TGM5: variants seen among roughly 807,000 people sequenced by gnomAD.
TGM5 encodes transglutaminase 5.
In TGM5, 69 loss-of-function variants were observed where a neutral mutation model predicts 77.2. The ratio of observed to expected loss-of-function variants is 0.89; its 90% confidence interval spans 0.74 to 1.09. The LOEUF is 1.09. Ranked by LOEUF, TGM5 falls within the 50% of genes least tolerant of loss-of-function variation. TGM5 has a pLI of 0.00. For synonymous variants in TGM5, 346 were observed against 351.8 expected, an observed-to-expected ratio of 0.98 and a Z score of 0.18; for missense variants, 842 against 896.5, an observed-to-expected ratio of 0.94 and a Z score of 0.78.
chr15:43,259,992 G>A, intron 3 of TGM5, 60 bp downstream of exon 3: 1 of 1,610,610 alleles, frequency 6.2e-7, no homozygotes, highest in Admixed American at 1.7e-5. Flanking sequence ...CCTTGAGCCT[G>A]TCTCTCTGGC....
chr15:43,256,429 C>T (rs561712535), intron 4 of TGM5, 139 bp downstream of exon 4: 23 of 776,234 alleles, frequency 3.0e-5, no homozygotes, highest in South Asian at 2.4e-4. Flanking sequence ...CCTCGGGCAA[C>T]CTGGGCTCAC....
chr15:43,246,963 G>A (rs2042673383), intron 6 of TGM5, among the ~76,000 whole-genome samples: 1 of 152,054 alleles, frequency 6.6e-6, no homozygotes, highest in African/African-American at 2.4e-5. Flanking sequence ...TTTGAGACCA[G>A]CCTGGCCAAC....
chr15:43,235,062 T>G (rs2042578034), intron 10 of TGM5, 133 bp from the exon 11 acceptor site: 1 of 1,148,620 alleles, frequency 8.7e-7, no homozygotes, highest in Non-Finnish European at 1.2e-6. Context: ...GGTGGCAGCT[T>G]TTTAGATGAG....
chr15:43,261,053 G>T, intron 1 of TGM5, among the ~76,000 whole-genome samples: 1 of 135,628 alleles, frequency 7.4e-6, no homozygotes, highest in South Asian at 2.3e-4. Context: ...TGGGCTAGCT[G>T]CTCTTCCTTT....
chr15:43,261,090 T>TTGTTTTTTGTTTTTTG (rs1566837517), intron 1 of TGM5, among the ~76,000 whole-genome samples: 8 of 97,104 alleles, frequency 8.2e-5, no homozygotes, highest in African/African-American at 3.6e-4. Flanking sequence ...TTTTTTTTTT[T>TTGTTTTTTGTTTTTTG]TTTTTTTTTT....
In TGM5 at chr15:43,266,896, C is replaced by T. The variant is rs190992453; in HGVS notation, c.-47G>A. ...GGATGCTCCCCACAGAACAGCTGGG[C>T]GGTCTGGAGCTTCAGCAAACTGGTG... On this transcript the variant is annotated 5_prime_UTR_variant, in exon 1 of 13. Transcript: ENST00000220420. 787 of 1,613,300 alleles carry T rather than the reference C, an allele frequency of 4.9e-4. 2 individuals carry two copies. In the African/African-American group the frequency reaches 8.9e-3, roughly 18 times the overall value.
chr15:43,234,917 G>A lies in TGM5; in HGVS notation c.1727C>T (p.Pro576Leu). 6.2e-7 allele frequency: 1 copy of A among 1,614,052 alleles called. No homozygotes were observed. The highest frequency in any genetic ancestry group is 8.5e-7 in the Non-Finnish European group (1 of 1,179,976). ...TLSPKEAKTY[P>L]CKISYSQYSQ... Reference sequence around the variant, plus strand: ...GTACTGGGAATAGGAGATTTTGCAGGGGTAGGTCTTTGCTAAAGAAAGAAC... The same window carrying A: ...GTACTGGGAATAGGAGATTTTGCAGAGGTAGGTCTTTGCTAAAGAAAGAAC... Residue 576 changes from proline to leucine, a missense_variant, in exon 11 of 13, where the codon CCC (proline) becomes CTC (leucine). Around this residue, in one of 2 missense-constraint regions of TGM5, gnomAD observed 815 missense variants for 844.6 expected, o/e 0.96. Transcript: ENST00000220420.
Position 43,240,875 on chromosome 15 carries a change from C to T in TGM5, c.978G>A (p.Gly326=), listed in dbSNP as rs891488234. The change falls in exon 7 of 13, where the codon GGG becomes GGA. Residue 326 remains glycine, a synonymous_variant. Transcript: ENST00000220420. ...ACCAGATAGTATCCTTCTTCTTATT[C>T]CCCAAAATCCTGCCTGTGTTGTCAT... ...EYYDNTGRIL[G]NKKKDTIWNF... 7.4e-6 allele frequency: 12 copies of T among 1,614,070 alleles called. 1 individual carries two copies. Among genetic ancestry groups the T allele is most frequent in the South Asian group, 4.4e-5 (4 of 91,088 alleles).
chr15:43,264,873 C>A, intron 1 of TGM5, among the ~76,000 whole-genome samples: 1 of 152,132 alleles, frequency 6.6e-6, no homozygotes, highest in East Asian at 1.9e-4. Context: ...TCTTTGAGTG[C>A]TTTTGATTAC....
At chr15:43,265,546 T>C (rs1243696018) in intron 1 of TGM5, among the ~76,000 whole-genome samples, 1 of 152,194 alleles carries the variant, frequency 6.6e-6, no homozygotes, top group Non-Finnish European at 1.5e-5. Context: ...CAGGAATGAC[T>C]CTTCAGCCCA....
chr15:43,249,973 G>T (rs1241629580), intron 6 of TGM5, among the ~76,000 whole-genome samples: 1 of 152,196 alleles, frequency 6.6e-6, no homozygotes, highest in African/African-American at 2.4e-5. Context: ...CCTCATCTGT[G>T]AAATGGCTAT....
chr15:43,240,495 A>AT lies in TGM5; in HGVS notation c.1001+356dup, dbSNP rs960520278. Among the ~76,000 whole-genome samples the AT allele has an allele frequency of 1.8e-4, 26 of 146,210 alleles. 1 individual carries two copies. Among genetic ancestry groups the AT allele is most frequent in the South Asian group, 1.5e-3 (7 of 4,618 alleles). On this transcript the variant is annotated intron_variant, in intron 7 of 12. Coordinates refer to ENST00000220420, the MANE Select transcript of TGM5 (RefSeq NM_201631.4). Reference sequence around the variant, plus strand: ...CCTATTGATCTGATTTTGTGAGTTGATTTTTTTTTTTTAAACAAACCTTCA... The same window carrying AT: ...CCTATTGATCTGATTTTGTGAGTTGATTTTTTTTTTTTTAAACAAACCTTCA...
At chr15:43,241,011 A>T (rs1384441408) in intron 6 of TGM5, 21 bp from the exon 7 acceptor site, 1 of 1,614,142 alleles carries the variant, frequency 6.2e-7, no homozygotes, top group South Asian at 1.1e-5. Flanking sequence ...GGCACAAAAA[A>T]ATCACCTGTG....
chr15:43,241,376 T>G, intron 6 of TGM5: 7 of 329,194 alleles, frequency 2.1e-5, no homozygotes, highest in East Asian at 7.4e-5. Flanking sequence ...TGGAATTCCA[T>G]TCCTTTCTGT....
chr15:43,239,113 G>T, intron 8 of TGM5, 50 bp downstream of exon 8: 1 of 1,614,130 alleles, frequency 6.2e-7, no homozygotes, highest in Non-Finnish European at 8.5e-7. Context: ...GGGCAGGGGT[G>T]GGGTGCTTTC....
chr15:43,250,998 A>C (rs2042699647), intron 6 of TGM5, among the ~76,000 whole-genome samples: 1 of 151,966 alleles, frequency 6.6e-6, no homozygotes, highest in Non-Finnish European at 1.5e-5. Context: ...CCACACCCAA[A>C]CCTGGCTCAC....
chr15:43,265,774 C>T (rs993448220), intron 1 of TGM5, among the ~76,000 whole-genome samples: 1 of 152,082 alleles, frequency 6.6e-6, no homozygotes, highest in Non-Finnish European at 1.5e-5. Flanking sequence ...CTTGTGTAAC[C>T]GGAAAATTGA....
In TGM5 at chr15:43,235,056, G is replaced by A. The variant is rs1158461051; in HGVS notation, c.1715-127C>T. The A allele has an allele frequency of 5.2e-5, 64 of 1,223,634 alleles. No homozygotes were observed. In the East Asian group the frequency reaches 1.6e-3, roughly 30 times the overall value. 75.8% of individuals were successfully genotyped at this position (1,223,634 alleles called of 1,614,324 possible). On this transcript the variant is annotated intron_variant, in intron 10 of 12. Transcript: ENST00000220420. Reference sequence around the variant, plus strand: ...GTACCAAATCCCAGGGAAGCAGGTGGCAGCTTTTTAGATGAGGAAATGAGC... The same window carrying A: ...GTACCAAATCCCAGGGAAGCAGGTGACAGCTTTTTAGATGAGGAAATGAGC...
chr15:43,263,754 C>T (rs2042806206), intron 1 of TGM5, among the ~76,000 whole-genome samples: 1 of 152,150 alleles, frequency 6.6e-6, no homozygotes, highest in African/African-American at 2.4e-5. Flanking sequence ...TTAGACTAGG[C>T]AACAGCTTCT....
Sources: gnomAD v4.1 joint callset for allele counts (sites outside exome capture counted in the v4.1 genomes callset) on GRCh38, gnomAD v4.1.1 for gene constraint, gnomAD v4.1.1 regional missense constraint, MANE v1.5 for transcripts, NCBI Gene and HGNC (gene_info 2026-07-23, HGNC 2026-07-21) for gene names.